The following INA variants were observed in gnomAD, a reference collection of about 807,000 sequenced individuals.
INA encodes the protein internexin neuronal intermediate filament protein alpha.
In INA, 35 loss-of-function variants were observed where a neutral mutation model predicts 40.1. That is an observed-to-expected ratio of 0.87 (90% confidence interval 0.67 to 1.16). The LOEUF is 1.16. Ranked by LOEUF, INA falls within the 50% of genes most tolerant of loss-of-function variation. INA has a pLI of 0.00. For missense variants in INA, 594 were observed against 686.7 expected (o/e 0.87, Z 1.51); for synonymous variants, 290 against 316.9 (o/e 0.92, Z 0.90).
In INA at chr10:103,277,797, C is replaced by G; in HGVS notation, c.586C>G (p.Leu196Val). 1 of 1,525,226 alleles carries G rather than the reference C, an allele frequency of 6.6e-7. No individual in the cohort carries two copies. Among genetic ancestry groups the G allele is most frequent in the South Asian group, 1.2e-5 (1 of 82,352 alleles). The allele number at this position is 1,525,226 out of a possible 1,614,324, so 94.5% of individuals were successfully genotyped here. A position where few individuals can be genotyped will look rare whatever the true frequency, so the allele number is the denominator to read the frequency against. ...CGGACGCGAAGGCGCCGAGCGCGCC[C>G]TGAAGGCGCAGCAGCGCGACGTGGA... ...SRGREGAERA[L>V]KAQQRDVDGA... Residue 196 changes from leucine to valine, a missense_variant, in exon 1 of 3, where the codon CTG (leucine) becomes GTG (valine). Coordinates refer to ENST00000369849, the MANE Select transcript of INA (RefSeq NM_032727.4). This position sits in a 1 kb window ranked among gnomAD's most constrained non-coding sequence, Gnocchi z 5.6.
intron 1 of INA, among the ~76,000 whole-genome samples, chr10:103,286,335 CAAAAAAAAAAAAA>C (rs71019675): frequency 3.9e-5 from 2 of 51,702 alleles, no homozygotes. Context: ...GACCTTGTCT[CAAAAAAAAAAAAA>C]AAAAAAAAAA....
intron 1 of INA, among the ~76,000 whole-genome samples, chr10:103,282,982 CAG>C (rs1273968765): frequency 6.6e-6 from 1 of 152,138 alleles, no homozygotes; most frequent in Non-Finnish European, 1.5e-5. Context: ...ACTAATTTAA[CAG>C]ATAATGGACT....
At chr10:103,287,731 T>TAA (rs942151006) in intron 2 of INA, among the ~76,000 whole-genome samples, 221 of 77,934 alleles carry the variant, frequency 2.8e-3, no homozygotes, top group African/African-American at 9.5e-3. Context: ...AGACTCTGTC[T>TAA]AAAAAAAAAA....
chr10:103,280,209 G>C, intron 1 of INA: 1 of 985,422 alleles, frequency 1.0e-6, no homozygotes, highest in Non-Finnish European at 1.2e-6. Flanking sequence ...AGCATCTGCA[G>C]CTCTGCGGTG....
In INA at chr10:103,278,305, G is replaced by T; in HGVS notation, c.1065+29G>T. 1.3e-6 allele frequency: 2 copies of T among 1,485,268 alleles called. No homozygotes were observed. Among genetic ancestry groups the T allele is most frequent in the South Asian group, 2.6e-5 (2 of 77,074 alleles). The allele number at this position is 1,485,268 out of a possible 1,614,324, so 92.0% of individuals were successfully genotyped here. A position where few individuals can be genotyped will look rare whatever the true frequency, so the allele number is the denominator to read the frequency against. On this transcript the variant is annotated intron_variant, in intron 1 of 2. Transcript: ENST00000369849. This position sits in a 1 kb window ranked among gnomAD's most constrained non-coding sequence, Gnocchi z 4.9. ...AGGGCCGGGGCTGGGCGTGGGGAGG[G>T]GTGCCCTGCCCTCTTCCGCGCGTAC...
At position 103,278,189 on chromosome 10, in the gene INA, C is replaced by G; in HGVS notation, c.978C>G (p.Ile326Met). The change falls in exon 1 of 3, where the codon ATC becomes ATG. Residue 326 changes from isoleucine (I) to methionine (M), a missense_variant. Around this residue, in one of 2 missense-constraint regions of INA, gnomAD observed 379 missense variants for 496.1 expected, o/e 0.76. Coordinates refer to ENST00000369849, the MANE Select transcript of INA (RefSeq NM_032727.4). This position sits in a 1 kb window ranked among gnomAD's most constrained non-coding sequence, Gnocchi z 4.9. ...RRQLQARTIE[I>M]EGLRGANESL... ...AGCTGCAGGCGCGCACCATCGAGAT[C>G]GAGGGCCTGCGCGGGGCCAACGAGT... 1 of 1,608,262 alleles carries G rather than the reference C, an allele frequency of 6.2e-7. No individual in the cohort carries two copies. Among genetic ancestry groups the G allele is most frequent in the Non-Finnish European group, 8.5e-7 (1 of 1,177,944 alleles).
rs760759982 is a variant in INA, at chr10:103,277,482, C to T, written c.271C>T (p.Arg91Cys). 5 of 1,589,054 alleles carry T rather than the reference C, an allele frequency of 3.1e-6. No individual in the cohort carries two copies. Among genetic ancestry groups the T allele is most frequent in the African/African-American group, 1.4e-5 (1 of 72,156 alleles). ...AARTNEYKII[R>C]TNEKEQLQGL... Reference sequence around the variant, plus strand: ...GCGCACCAACGAGTACAAGATCATCCGCACCAACGAGAAGGAGCAGCTGCA... The same window carrying T: ...GCGCACCAACGAGTACAAGATCATCTGCACCAACGAGAAGGAGCAGCTGCA... Residue 91 changes from arginine (R) to cysteine (C), a missense_variant, in exon 1 of 3, where the codon CGC (arginine) becomes TGC (cysteine). Physicochemically the swap from Arg to Cys is radical, Grantham distance 180. Around this residue, in one of 2 missense-constraint regions of INA, gnomAD observed 215 missense variants for 190.6 expected, o/e 1.13. Transcript: ENST00000369849. This position sits in a 1 kb window ranked among gnomAD's most constrained non-coding sequence, Gnocchi z 5.6.
chr10:103,277,354 T>C lies in INA; in HGVS notation c.143T>C (p.Val48Ala). 1.9e-6 allele frequency: 3 copies of C among 1,576,614 alleles called. No individual in the cohort carries two copies. The highest frequency in any genetic ancestry group is 2.6e-6 in the Non-Finnish European group (3 of 1,167,858). ...TCGCAGTCGCTGTCCCGCAGCAATGTGGCCTCCTCGGCCGCCTGCTCCTCG... is the reference window on the plus strand; with the variant it reads ...TCGCAGTCGCTGTCCCGCAGCAATGCGGCCTCCTCGGCCGCCTGCTCCTCG... ...FRSQSLSRSN[V>A]ASSAACSSAS... is the part of the protein sequence containing the mutation. The change falls in exon 1 of 3, where the codon GTG becomes GCG. Residue 48 changes from valine to alanine, a missense_variant. Transcript: ENST00000369849. This position sits in a 1 kb window ranked among gnomAD's most constrained non-coding sequence, Gnocchi z 5.6.
At chr10:103,285,001 G>A (rs1208925799) in intron 1 of INA, among the ~76,000 whole-genome samples, 1 of 146,738 alleles carries the variant, frequency 6.8e-6, no homozygotes, top group Non-Finnish European at 1.5e-5. Context: ...TTTATTTTTT[G>A]AGATGGAGTT....
chr10:103,277,787 C>T lies in INA; in HGVS notation c.576C>T (p.Ala192=). The change falls in exon 1 of 3, where the codon GCC becomes GCT. Residue 192 remains alanine (A), a synonymous_variant. Transcript: ENST00000369849. This position sits in a 1 kb window ranked among gnomAD's most constrained non-coding sequence, Gnocchi z 5.6. ...CEEESRGREG[A]ERALKAQQRD... is the part of the protein sequence containing the mutation. ...AGGAGAGCCGCGGACGCGAAGGCGC[C>T]GAGCGCGCCCTGAAGGCGCAGCAGC... The T allele has an allele frequency of 6.6e-7, 1 of 1,508,914 alleles. No individual in the cohort carries two copies. The highest frequency in any genetic ancestry group is 1.3e-5 in the South Asian group (1 of 79,978). The allele number at this position is 1,508,914 out of a possible 1,614,324, so 93.5% of individuals were successfully genotyped here.
intron 1 of INA, among the ~76,000 whole-genome samples, chr10:103,286,719 G>T (rs1221939113): frequency 2.0e-5 from 3 of 151,902 alleles, no homozygotes; most frequent in Non-Finnish European, 4.4e-5. Context: ...TCATCTCCAT[G>T]TTCAGTTCAG....
At chr10:103,285,843 C>A (rs887542361) in intron 1 of INA, among the ~76,000 whole-genome samples, 6 of 151,862 alleles carry the variant, frequency 4.0e-5, no homozygotes, top group Admixed American at 2.0e-4. Context: ...GTCTTGAACT[C>A]CTGATCTCAG....
At chr10:103,280,227 C>T in intron 1 of INA, 2 of 985,406 alleles carry the variant, frequency 2.0e-6, no homozygotes, top group Non-Finnish European at 2.4e-6. Context: ...GTGCTGCCCC[C>T]ATCAGCTTGA....
At chr10:103,288,337 G>C in intron 2 of INA, 23 bp from the exon 3 acceptor site, 1 of 1,572,518 alleles carries the variant, frequency 6.4e-7, no homozygotes, top group Non-Finnish European at 8.6e-7. Flanking sequence ...CTTCCTAAGA[G>C]TTTTTCTCTG....
In INA at chr10:103,288,612, T is replaced by C; in HGVS notation, c.1443T>C (p.Thr481=). ...EEILEETVIS[T]KKTEKSNIEE... ...TATTAGAGGAGACAGTAATATCTACTAAGAAAACCGAGAAATCAAATATAG... is the reference window on the plus strand; with the variant it reads ...TATTAGAGGAGACAGTAATATCTACCAAGAAAACCGAGAAATCAAATATAG... Residue 481 remains threonine (T), a synonymous_variant, in exon 3 of 3, where the codon ACT becomes ACC. Transcript: ENST00000369849. 1 of 1,600,050 alleles carries C rather than the reference T, an allele frequency of 6.2e-7. No individual in the cohort carries two copies. Among genetic ancestry groups the C allele is most frequent in the Non-Finnish European group, 8.5e-7 (1 of 1,175,840 alleles).
At chr10:103,279,310 T>A (rs2093067853) in intron 1 of INA, among the ~76,000 whole-genome samples, 1 of 152,208 alleles carries the variant, frequency 6.6e-6, no homozygotes. Context: ...ATGTGATAAG[T>A]CACAGAGATG....
In INA at chr10:103,277,526, C is replaced by T; in HGVS notation, c.315C>T (p.Phe105=). Reference sequence around the variant, plus strand: ...AGCTGCAGGGCCTCAACGACCGCTTCGCCGTGTTCATCGAGAAGGTGCATC... The same window carrying T: ...AGCTGCAGGGCCTCAACGACCGCTTTGCCGTGTTCATCGAGAAGGTGCATC... ...KEQLQGLNDR[F]AVFIEKVHQL... The change falls in exon 1 of 3, where the codon TTC becomes TTT. Residue 105 remains phenylalanine, a synonymous_variant. Coordinates refer to ENST00000369849, the MANE Select transcript of INA (RefSeq NM_032727.4). This position sits in a 1 kb window ranked among gnomAD's most constrained non-coding sequence, Gnocchi z 5.6. The T allele has an allele frequency of 1.9e-6, 3 of 1,586,386 alleles. No homozygotes were observed. Among genetic ancestry groups the T allele is most frequent in the Non-Finnish European group, 2.6e-6 (3 of 1,170,150 alleles).
intron 2 of INA, 51 bp downstream of exon 2, chr10:103,287,210 T>G (rs2093088399): frequency 1.3e-6 from 2 of 1,578,638 alleles, no homozygotes; most frequent in Non-Finnish European, 1.7e-6. Context: ...CTAGGGGCAA[T>G]GCTGCCCAAA....
chr10:103,286,980 T>C, intron 1 of INA, 55 bp from the exon 2 acceptor site: 1 of 1,590,740 alleles, frequency 6.3e-7, no homozygotes. Context: ...CTTCTGGAAA[T>C]CTTGAGGAAT....
Sources: gnomAD v4.1 joint callset for allele counts (sites outside exome capture counted in the v4.1 genomes callset) on GRCh38, gnomAD v4.1.1 for gene constraint, gnomAD v4.1.1 regional missense constraint, Gnocchi (gnomAD v3.1) non-coding constraint, MANE v1.5 for transcripts, NCBI Gene and HGNC (gene_info 2026-07-23, HGNC 2026-07-21) for gene names.